GRIN2C: variants seen among roughly 807,000 people sequenced by gnomAD.
The protein encoded by GRIN2C is glutamate ionotropic receptor NMDA type subunit 2C.
In GRIN2C, 64 loss-of-function variants were observed where a neutral mutation model predicts 77.7. The ratio of observed to expected loss-of-function variants is 0.82; its 90% CI spans 0.67 to 1.01. The LOEUF (loss-of-function observed/expected upper bound fraction) is 1.01. GRIN2C is among the 50% of genes least tolerant of loss of function. The probability of loss-of-function intolerance (pLI) is 0.00; values close to 1 mark genes in which losing one functional copy is unlikely to be tolerated. For synonymous variants in GRIN2C, 792 were observed against 643.4 expected (o/e 1.23, Z -3.49); for missense variants, 1,549 against 1,486.0 (o/e 1.04, Z -0.70).
rs371296869 is a variant in GRIN2C at position 74,850,203 on chromosome 17, T to C, written c.1491+3A>G. On this transcript the variant is annotated splice_donor_region_variant and intron_variant, in intron 6 of 12. Transcript: ENST00000293190. This position sits in a 1 kb window ranked among gnomAD's most constrained non-coding sequence, Gnocchi z 5.3. ...GGTGAGGAGGGAGTGGGGTGGGGCC[T>C]ACCTCCCCAATCATGCCGTTCCATA... The C allele has an allele frequency of 3.2e-5, 51 of 1,612,596 alleles. No individual in the cohort carries two copies. Among genetic ancestry groups the C allele is most frequent in the Non-Finnish European group, 4.2e-5 (50 of 1,179,540 alleles).
rs934020722 is a variant in GRIN2C, at chr17:74,846,340, A to G, written c.2163-87T>C. On this transcript the variant is annotated intron_variant, in intron 10 of 12. Coordinates refer to ENST00000293190, the MANE Select transcript of GRIN2C (RefSeq NM_000835.6). This position sits in a 1 kb window ranked among gnomAD's most constrained non-coding sequence, Gnocchi z 4.4. The stretch of plus-strand genomic sequence containing the variant: ...GGGGCGTGACAGGGGTCTAAACCAC[A>G]TGAGCCTGCTGGGCACCCCCGGGAG... 1.4e-5 allele frequency: 17 copies of G among 1,182,066 alleles called. No individual in the cohort carries two copies. In the African/African-American group the frequency reaches 2.0e-4, roughly 14 times the overall value. The allele number at this position is 1,182,066 out of a possible 1,614,324, so 73.2% of individuals were successfully genotyped here. A position where few individuals can be genotyped will look rare whatever the true frequency, so the allele number is the denominator to read the frequency against.
At position 74,847,357 on chromosome 17, in the gene GRIN2C, A is replaced by G. The variant is rs2037492233; in HGVS notation, c.1952T>C (p.Met651Thr). 6.2e-7 allele frequency: 1 copy of G among 1,608,250 alleles called. No homozygotes were observed. Among genetic ancestry groups the G allele is most frequent in the Non-Finnish European group, 8.5e-7 (1 of 1,178,100 alleles). Residue 651 changes from methionine (M) to threonine (T), a missense_variant, in exon 9 of 13, where the codon ATG (methionine) becomes ACG (threonine). Physicochemically the swap from Met to Thr is moderately conservative, Grantham distance 81 (BLOSUM62 -1). This residue lies in a region of GRIN2C where 717 missense variants were observed against 858.1 expected (regional missense o/e 0.84). Transcript: ENST00000293190. This position sits in a 1 kb window ranked among gnomAD's most constrained non-coding sequence, Gnocchi z 5.2. ...ASYTANLAAF[M>T]IQEQYIDTVS... ...AGTGTCGATGTATTGCTCTTGGATC[A>G]TGAAGGCGGCCAGGTTGGCCGTGTA...
Position 74,852,513 on chromosome 17 carries a change from G to T in GRIN2C, c.498C>A (p.Ala166=). 1.3e-6 allele frequency: 2 copies of T among 1,568,564 alleles called. No homozygotes were observed. Among genetic ancestry groups the T allele is most frequent in the Non-Finnish European group, 1.7e-6 (2 of 1,165,572 alleles). The part of the protein sequence containing the change: ...VLEEYDWSAF[A]VITSLHPGHA... ...GGCCCGGGTGCAGGCTGGTGATGAC[G>T]GCGAAGGCGCTCCAGTCGTACTCTT... Residue 166 remains alanine (A), a synonymous_variant, in exon 3 of 13, where the codon GCC becomes GCA. Transcript: ENST00000293190.
chr17:74,852,793 A>G, intron 2 of GRIN2C, 182 bp from the exon 3 acceptor site: 1 of 446,948 alleles, frequency 2.2e-6, no homozygotes, highest in South Asian at 5.4e-5. Flanking sequence ...GCCTAGTAGC[A>G]TGGTCATGCC....
chr17:74,849,857 G>A lies in GRIN2C; in HGVS notation c.1568C>T (p.Ser523Phe). The A allele has an allele frequency of 6.2e-7, 1 of 1,613,700 alleles. No individual in the cohort carries two copies. The highest frequency in any genetic ancestry group is 1.7e-5 in the Admixed American group (1 of 59,842). ...GATGCCCGTCTCCACAAAGGGTACA[G>A]AGAAGTCTACGATCTCGGAGCGTTC... ...NEERSEIVDF[S>F]VPFVETGISV... is the part of the protein sequence containing the mutation. Residue 523 changes from serine (S) to phenylalanine (F), a missense_variant, in exon 7 of 13, where the codon TCT (serine) becomes TTT (phenylalanine). Ser to Phe is a radical substitution (Grantham distance 155, BLOSUM62 -2). Transcript: ENST00000293190. The surrounding 1 kb of genome is among the most constrained non-coding windows in gnomAD (Gnocchi z 4.6).
upstream of GRIN2C, among the ~76,000 whole-genome samples, chr17:74,861,212 C>T (rs1032948844): frequency 6.6e-6 from 1 of 152,184 alleles, no homozygotes; most frequent in East Asian, 1.9e-4. Context: ...GCCTCTTCTT[C>T]GCCTTCTCTC....
In GRIN2C at chr17:74,847,155, G is replaced by GC; in HGVS notation, c.2001+152dup. On this transcript the variant is annotated intron_variant, in intron 9 of 12. Coordinates refer to ENST00000293190, the MANE Select transcript of GRIN2C (RefSeq NM_000835.6). The surrounding 1 kb of genome is among the most constrained non-coding windows in gnomAD (Gnocchi z 5.2). ...TGGCCCTGAGCCATCTCTTGCCCCAGCCCCCAACCCCTTCTCAGCAGGCCC... is the reference window on the plus strand; with the variant it reads ...TGGCCCTGAGCCATCTCTTGCCCCAGCCCCCCAACCCCTTCTCAGCAGGCCC... The GC allele has an allele frequency of 2.7e-6, 2 of 731,374 alleles. No homozygotes were observed. Among genetic ancestry groups the GC allele is most frequent in the Non-Finnish European group, 4.5e-6 (2 of 449,414 alleles). The allele number at this position is 731,374 out of a possible 1,614,324, so 45.3% of individuals were successfully genotyped here. A position where few individuals can be genotyped will look rare whatever the true frequency, so the allele number is the denominator to read the frequency against.
chr17:74,850,423 A>AGCCCC lies in GRIN2C; in HGVS notation c.1326-57_1326-53dup. 1 of 1,591,974 alleles carries AGCCCC rather than the reference A, an allele frequency of 6.3e-7. No individual in the cohort carries two copies. Among genetic ancestry groups the AGCCCC allele is most frequent in the Non-Finnish European group, 8.5e-7 (1 of 1,170,786 alleles). On this transcript the variant is annotated intron_variant, in intron 5 of 12. Coordinates refer to ENST00000293190, the MANE Select transcript of GRIN2C (RefSeq NM_000835.6). This position sits in a 1 kb window ranked among gnomAD's most constrained non-coding sequence, Gnocchi z 5.3. ...CGGGAGTCAGAGTATGTCGTGGCCC[A>AGCCCC]GCCCCGCCCCAGCCACTCCTCCAGC... is the stretch of plus-strand genomic sequence containing the variant.
rs60336063 is a variant in GRIN2C at position 74,849,017 on chromosome 17, CA to C, written c.1645+762del. The stretch of plus-strand genomic sequence containing the variant: ...TGGGTGACAGAGGAACACCCTGTCT[CA>C]AAAAAAAAAAGGAAGGAAAGAAGAA... On this transcript the variant is annotated intron_variant, in intron 7 of 12. Transcript: ENST00000293190. The surrounding 1 kb of genome is among the most constrained non-coding windows in gnomAD (Gnocchi z 4.6). Among the ~76,000 whole-genome samples the C allele has an allele frequency of 0.02, 1,571 of 80,546 alleles. 22 individuals carry two copies. The highest frequency in any genetic ancestry group is 0.059 in the African/African-American group (1,402 of 23,638). 52.8% of individuals were successfully genotyped at this position (80,546 alleles called of 152,430 possible).
rs768679413 is a variant in GRIN2C, at chr17:74,842,444, T to A, written c.3693A>T (p.Ser1231=). 7.7e-6 allele frequency: 6 copies of A among 774,336 alleles called. No individual in the cohort carries two copies. Among genetic ancestry groups the A allele is most frequent in the Non-Finnish European group, 1.4e-5 (6 of 415,890 alleles). 48.0% of individuals were successfully genotyped at this position (774,336 alleles called of 1,614,324 possible). A position where few individuals can be genotyped will look rare whatever the true frequency, so the allele number is the denominator to read the frequency against. The part of the protein sequence containing the change: ...CTWRRISSLE[S]EV ...CTGAGTGGCTGATAACTCACACTTC[T>A]GACTCCAGACTGGAGATCCGTCTCC... Residue 1231 remains serine (S), a synonymous_variant, in exon 13 of 13, where the codon TCA becomes TCT. Coordinates refer to ENST00000293190, the MANE Select transcript of GRIN2C (RefSeq NM_000835.6).
Position 74,847,458 on chromosome 17 carries a change from G to A in GRIN2C, c.1851C>T (p.Ile617=), listed in dbSNP as rs371114769. ...WALVFNNSVP[I]ENPRGTTSKI... ...TGCTGGTGGTGCCCCGCGGGTTCTC[G>A]ATGGGCACTGAGTTGTTGAAGACCA... The change falls in exon 9 of 13, where the codon ATC becomes ATT. Residue 617 remains isoleucine (I), a synonymous_variant. Transcript: ENST00000293190. This position sits in a 1 kb window ranked among gnomAD's most constrained non-coding sequence, Gnocchi z 5.2. The A allele has an allele frequency of 1.7e-5, 27 of 1,613,908 alleles. No individual in the cohort carries two copies. In the East Asian group the frequency reaches 1.8e-4, roughly 11 times the overall value.
At chr17:74,856,796 T>A (rs1397363748) in intron 1 of GRIN2C, among the ~76,000 whole-genome samples, 1 of 152,126 alleles carries the variant, frequency 6.6e-6, no homozygotes, top group Non-Finnish European at 1.5e-5. Context: ...TCTTTTTTTT[T>A]AATCCAAAGC....
intron 12 of GRIN2C, among the ~76,000 whole-genome samples, chr17:74,843,813 G>T (rs1403935947): frequency 6.6e-6 from 1 of 151,860 alleles, no homozygotes; most frequent in East Asian, 1.9e-4. Context: ...CCTGTGGGGG[G>T]GACTCTGACC....
At position 74,852,467 on chromosome 17, in the gene GRIN2C, C is replaced by G; in HGVS notation, c.544G>C (p.Val182Leu). 1 of 1,554,228 alleles carries G rather than the reference C, an allele frequency of 6.4e-7. No individual in the cohort carries two copies. The highest frequency in any genetic ancestry group is 1.2e-5 in the South Asian group (1 of 85,398). The change falls in exon 3 of 13, where the codon GTG (valine) becomes CTG (leucine). Residue 182 changes from valine (V) to leucine (L), a missense_variant. Physicochemically the swap from Val to Leu is conservative, Grantham distance 32. Coordinates refer to ENST00000293190, the MANE Select transcript of GRIN2C (RefSeq NM_000835.6). ...TGGCTGGCGTCGGCGACGGCGCGCACGCCCTCCAGGAAGAGCGCGTGGCCC... is the reference window on the plus strand; with the variant it reads ...TGGCTGGCGTCGGCGACGGCGCGCAGGCCCTCCAGGAAGAGCGCGTGGCCC... ...HPGHALFLEG[V>L]RAVADASHVS...
Position 74,852,457 on chromosome 17 carries a change from A to G in GRIN2C, c.554T>C (p.Val185Ala). ...CCAACTCACGTGGCTGGCGTCGGCG[A>G]CGGCGCGCACGCCCTCCAGGAAGAG... ...HALFLEGVRA[V>A]ADASHVSWRL... The change falls in exon 3 of 13, where the codon GTC (valine) becomes GCC (alanine). Residue 185 changes from valine (V) to alanine (A), a missense_variant. Val to Ala is a moderately conservative substitution (Grantham distance 64). Coordinates refer to ENST00000293190, the MANE Select transcript of GRIN2C (RefSeq NM_000835.6). The G allele has an allele frequency of 6.5e-7, 1 of 1,549,344 alleles. No homozygotes were observed. Among genetic ancestry groups the G allele is most frequent in the Non-Finnish European group, 8.6e-7 (1 of 1,158,052 alleles).
chr17:74,852,512 C>T lies in GRIN2C; in HGVS notation c.499G>A (p.Val167Ile), dbSNP rs1489368846. 3.2e-6 allele frequency: 5 copies of T among 1,567,604 alleles called. No individual in the cohort carries two copies. Among genetic ancestry groups the T allele is most frequent in the Non-Finnish European group, 4.3e-6 (5 of 1,165,104 alleles). The change falls in exon 3 of 13, where the codon GTC (valine) becomes ATC (isoleucine). Residue 167 changes from valine to isoleucine, a missense_variant. Coordinates refer to ENST00000293190, the MANE Select transcript of GRIN2C (RefSeq NM_000835.6). ...LEEYDWSAFA[V>I]ITSLHPGHAL... Reference sequence around the variant, plus strand: ...TGGCCCGGGTGCAGGCTGGTGATGACGGCGAAGGCGCTCCAGTCGTACTCT... The same window carrying T: ...TGGCCCGGGTGCAGGCTGGTGATGATGGCGAAGGCGCTCCAGTCGTACTCT...
rs187607755 is a variant in GRIN2C at position 74,842,248 on chromosome 17, G to T, written c.*187C>A. On this transcript the variant is annotated 3_prime_UTR_variant, in exon 13 of 13. Transcript: ENST00000293190. ...TCTGCGTGAGAAGAGGACAGCAAAAGCCCAGCCCTCACCATGATTTGAGGC... is the reference window on the plus strand; with the variant it reads ...TCTGCGTGAGAAGAGGACAGCAAAATCCCAGCCCTCACCATGATTTGAGGC... The T allele has an allele frequency of 1.7e-4, 92 of 554,958 alleles. No individual in the cohort carries two copies. The highest frequency in any genetic ancestry group is 1.6e-3 in the African/African-American group (84 of 51,792). 34.4% of individuals were successfully genotyped at this position (554,958 alleles called of 1,614,324 possible).
rs2037463315 is a variant in GRIN2C, at chr17:74,846,580, TGA to T, written c.2162+178_2162+179del. The stretch of plus-strand genomic sequence containing the variant: ...TTTGATTGGCACCACAGCTGTGTTC[TGA>T]GACACATGGTGGCCTTCCATTTTTG... On this transcript the variant is annotated intron_variant, in intron 10 of 12. Transcript: ENST00000293190. The surrounding 1 kb of genome is among the most constrained non-coding windows in gnomAD (Gnocchi z 4.4). 6.6e-6 allele frequency among the ~76,000 whole-genome samples: 1 copy of T among 152,226 alleles called. No homozygotes were observed.
chr17:74,849,660 A>C lies in GRIN2C; in HGVS notation c.1645+120T>G. 1.1e-6 allele frequency: 1 copy of C among 899,660 alleles called. No individual in the cohort carries two copies. Among genetic ancestry groups the C allele is most frequent in the South Asian group, 1.6e-5 (1 of 63,812 alleles). The allele number at this position is 899,660 out of a possible 1,614,324, so 55.7% of individuals were successfully genotyped here. A position where few individuals can be genotyped will look rare whatever the true frequency, so the allele number is the denominator to read the frequency against. ...CACCTCCAGCCAACCTCCAAGACCC[A>C]AGGCTGCTGTGCTTGGCCTGTGAGA... On this transcript the variant is annotated intron_variant, in intron 7 of 12. Transcript: ENST00000293190. The surrounding 1 kb of genome is among the most constrained non-coding windows in gnomAD (Gnocchi z 4.6).
Sources: gnomAD v4.1 joint callset for allele counts (sites outside exome capture counted in the v4.1 genomes callset) on GRCh38, gnomAD v4.1.1 for gene constraint, gnomAD v4.1.1 regional missense constraint, Gnocchi (gnomAD v3.1) non-coding constraint, MANE v1.5 for transcripts, NCBI Gene and HGNC (gene_info 2026-07-23, HGNC 2026-07-21) for gene names.